CCT4: variants seen among roughly 807,000 people sequenced by gnomAD.
CCT4 encodes the protein T-complex protein 1 subunit delta.
CCT4 carries 17 observed loss-of-function variants against 62.5 expected under a neutral mutation model. That is an observed-to-expected ratio of 0.27 (90% CI 0.19 to 0.41). CCT4 has a LOEUF of 0.41. Among genes scored for constraint, CCT4 ranks in the 10% least tolerant of loss-of-function variants. The pLI is 1.00. For synonymous variants in CCT4, 250 were observed against 229.9 expected (o/e 1.09, Z -0.79); for missense variants, 592 against 659.2 (o/e 0.90, Z 1.12).
At chr2:61,868,807 C>A in intron 13 of CCT4, 101 bp from the exon 14 acceptor site, 1 of 822,732 alleles carries the variant, frequency 1.2e-6, no homozygotes, top group Non-Finnish European at 2.1e-6. Flanking sequence ...GTATTAAGAA[C>A]TGCTGTCACC....
At position 61,872,158 on chromosome 2, in the gene CCT4, T is replaced by C; in HGVS notation, c.1415A>G (p.Asn472Ser). ...TAGTTCTGTTACTGTAGAAATGGGA[T>C]TCAGGCCGGCATTTTCAGCTAGTGT... ...PSTLAENAGL[N>S]PISTVTELRN... The change falls in exon 12 of 14, where the codon AAT becomes AGT. Residue 472 changes from asparagine (N) to serine (S), a missense_variant. Asn to Ser is a conservative substitution (Grantham distance 46). Coordinates refer to ENST00000394440, the MANE Select transcript of CCT4 (RefSeq NM_006430.4). The C allele has an allele frequency of 6.2e-7, 1 of 1,614,108 alleles. No individual in the cohort carries two copies.
At chr2:61,876,382 G>A (rs1407744412) in intron 7 of CCT4, 148 bp from the exon 8 acceptor site, 4 of 520,082 alleles carry the variant, frequency 7.7e-6, no homozygotes, top group Non-Finnish European at 1.3e-5. Flanking sequence ...AAAAGAGTCT[G>A]GATTAAGATA....
At chr2:61,874,138 G>A (rs1668947179) in intron 8 of CCT4, among the ~76,000 whole-genome samples, 1 of 152,160 alleles carries the variant, frequency 6.6e-6, no homozygotes, top group African/African-American at 2.4e-5. Context: ...TACTAGAAAG[G>A]TAGATATTAC....
At chr2:61,883,629 G>A (rs929017909) in intron 2 of CCT4, 81 bp from the exon 3 acceptor site, 1 of 711,202 alleles carries the variant, frequency 1.4e-6, no homozygotes, top group South Asian at 1.7e-5. Flanking sequence ...AAATAGAGAA[G>A]TTAATTTCTG....
chr2:61,883,466 G>T lies in CCT4; in HGVS notation c.263C>A (p.Ala88Asp). The change falls in exon 3 of 14, where the codon GCC (alanine) becomes GAC (aspartate). Residue 88 changes from alanine (A) to aspartate (D), a missense_variant. Coordinates refer to ENST00000394440, the MANE Select transcript of CCT4 (RefSeq NM_006430.4). ...LKQMQVLHPA[A>D]RMLVELSKAQ... is the part of the protein sequence containing the mutation. The stretch of plus-strand genomic sequence containing the variant: ...ACCTAAAATTACACTTACCATTCTG[G>T]CTGCTGGATGTAATACTTGCATTTG... 1.3e-6 allele frequency: 2 copies of T among 1,521,762 alleles called. No individual in the cohort carries two copies. The allele number at this position is 1,521,762 out of a possible 1,614,324, so 94.3% of individuals were successfully genotyped here.
intron 3 of CCT4, among the ~76,000 whole-genome samples, chr2:61,882,046 G>C (rs1266519179): frequency 6.6e-6 from 1 of 151,152 alleles, no homozygotes; most frequent in Non-Finnish European, 1.5e-5. Flanking sequence ...CAATTCTCCT[G>C]TCTCTGCCTC....
In CCT4 at chr2:61,888,623, G is replaced by C; in HGVS notation, c.-116C>G. 1 of 1,303,516 alleles carries C rather than the reference G, an allele frequency of 7.7e-7. No homozygotes were observed. Among genetic ancestry groups the C allele is most frequent in the Admixed American group, 2.8e-5 (1 of 36,086 alleles). The allele number at this position is 1,303,516 out of a possible 1,614,324, so 80.7% of individuals were successfully genotyped here. ...GCCTTCACGAACCTTCCAGAAAGCG[G>C]CGCCGGCGTCGGGAGGAGGCGGAGG... On this transcript the variant is annotated 5_prime_UTR_variant, in exon 1 of 14. Transcript: ENST00000394440.
In CCT4 at chr2:61,878,888, G is replaced by C; in HGVS notation, c.503C>G (p.Thr168Ser). Reference protein sequence around the residue: ...SDRETLLNSATTSLNSKVVSQ... With the variant: ...SDRETLLNSASTSLNSKVVSQ... ...TCTCACCTTTGAGTTCAGTGAAGTG[G>C]TTGCACTATTTAACAAAGTTTCTCT... Residue 168 changes from threonine (T) to serine (S), a missense_variant, in exon 5 of 14, where the codon ACC (threonine) becomes AGC (serine). Physicochemically the swap from Thr to Ser is moderately conservative, Grantham distance 58 (BLOSUM62 1). Transcript: ENST00000394440. The C allele has an allele frequency of 6.2e-7, 1 of 1,609,718 alleles. No homozygotes were observed. Among genetic ancestry groups the C allele is most frequent in the Non-Finnish European group, 8.5e-7 (1 of 1,177,992 alleles).
intron 5 of CCT4, among the ~76,000 whole-genome samples, chr2:61,877,755 T>C (rs1468448054): frequency 1.3e-5 from 2 of 152,190 alleles, no homozygotes; most frequent in Non-Finnish European, 2.9e-5. Context: ...TAGCCGGGAC[T>C]GTAGAATATC....
At chr2:61,885,173 C>A (rs924900630) in intron 1 of CCT4, 101 bp from the exon 2 acceptor site, 3 of 762,380 alleles carry the variant, frequency 3.9e-6, no homozygotes, top group Non-Finnish European at 5.9e-6. Flanking sequence ...AACTCCTGGG[C>A]TCAAGCAACC....
At chr2:61,885,408 A>G (rs999363280) in intron 1 of CCT4, among the ~76,000 whole-genome samples, 1 of 151,744 alleles carries the variant, frequency 6.6e-6, no homozygotes. Flanking sequence ...CAACGTACAC[A>G]GTATTATTAT....
At chr2:61,879,398 A>G (rs1669065712) in intron 4 of CCT4, among the ~76,000 whole-genome samples, 1 of 148,836 alleles carries the variant, frequency 6.7e-6, no homozygotes, top group South Asian at 2.1e-4. Context: ...AGTAGCTGGG[A>G]CTACAGACAC....
Position 61,878,892 on chromosome 2 carries a change from C to T in CCT4, c.499G>A (p.Ala167Thr), listed in dbSNP as rs1669054013. The T allele has an allele frequency of 6.2e-7, 1 of 1,609,606 alleles. No homozygotes were observed. The change falls in exon 5 of 14, where the codon GCA becomes ACA. Residue 167 changes from alanine to threonine, a missense_variant. Transcript: ENST00000394440. ...LSDRETLLNS[A>T]TTSLNSKVVS... Reference sequence around the variant, plus strand: ...ACCTTTGAGTTCAGTGAAGTGGTTGCACTATTTAACAAAGTTTCTCTGTCA... The same window carrying T: ...ACCTTTGAGTTCAGTGAAGTGGTTGTACTATTTAACAAAGTTTCTCTGTCA...
intron 1 of CCT4, chr2:61,885,943 T>G (rs1173700294): frequency 6.6e-6 from 1 of 152,188 alleles, no homozygotes; most frequent in Non-Finnish European, 1.5e-5. Flanking sequence ...GTATTTCAAA[T>G]TAGGAATGCT....
At chr2:61,871,665 A>G (rs1036540120) in intron 12 of CCT4, among the ~76,000 whole-genome samples, 3 of 152,228 alleles carry the variant, frequency 2.0e-5, no homozygotes, top group South Asian at 4.1e-4. Flanking sequence ...ATTACCTTAC[A>G]CAACTACATT....
chr2:61,888,317 A>C, intron 1 of CCT4, 64 bp downstream of exon 1: 1 of 1,563,032 alleles, frequency 6.4e-7, no homozygotes, highest in Non-Finnish European at 8.7e-7. Context: ...AACCCGCTCA[A>C]GCCCACGATG....
intron 10 of CCT4, 36 bp downstream of exon 10, chr2:61,872,966 C>A (rs755856235): frequency 8.2e-7 from 1 of 1,219,560 alleles, no homozygotes; most frequent in African/African-American, 1.5e-5. Flanking sequence ...CATACCCAAA[C>A]CTAAGCAAAT....
At chr2:61,870,788 G>A (rs1347868306) in intron 12 of CCT4, among the ~76,000 whole-genome samples, 2 of 152,070 alleles carry the variant, frequency 1.3e-5, no homozygotes, top group Admixed American at 6.5e-5. Flanking sequence ...CCGGCCTGGT[G>A]GTGGGCGCCT....
chr2:61,880,585 T>C (rs1440245744), intron 3 of CCT4, among the ~76,000 whole-genome samples, 191 bp from the exon 4 acceptor site: 2 of 152,212 alleles, frequency 1.3e-5, no homozygotes, highest in East Asian at 3.8e-4. Flanking sequence ...CAGTTCAGAT[T>C]GTGGGTTGTC....
Sources: allele counts gnomAD v4.1 joint callset (sites outside exome capture counted in the v4.1 genomes callset), GRCh38; gene constraint gnomAD v4.1.1; transcripts MANE v1.5; gene names NCBI Gene and HGNC (gene_info 2026-07-23, HGNC 2026-07-21).